CSNK1G1: variants seen among roughly 807,000 people sequenced by gnomAD.
CSNK1G1 encodes the protein casein kinase 1 gamma 1.
A neutral mutation model predicts 59.6 loss-of-function variants in CSNK1G1; 22 were observed. The ratio of observed to expected loss-of-function variants is 0.37; its 90% confidence interval spans 0.26 to 0.53. The LOEUF is 0.53. CSNK1G1 is among the 20% of genes least tolerant of loss of function. The pLI is 0.89. For synonymous variants in CSNK1G1, 179 were observed against 177.1 expected, an observed-to-expected ratio of 1.01 and a Z score of -0.08; for missense variants, 384 against 519.5, an observed-to-expected ratio of 0.74 and a Z score of 2.54.
chr15:64,198,945 C>A (rs189149909), intron 10 of CSNK1G1, among the ~76,000 whole-genome samples: 142 of 151,734 alleles, frequency 9.4e-4, no homozygotes, highest in Non-Finnish European at 1.7e-3. Flanking sequence ...CCACAGGATA[C>A]TAAAAACTCT....
At chr15:64,179,704 C>T (rs2081786212) in intron 11 of CSNK1G1, among the ~76,000 whole-genome samples, 1 of 152,206 alleles carries the variant, frequency 6.6e-6, no homozygotes, top group African/African-American at 2.4e-5. Context: ...AGTTTAAACA[C>T]AGACCATGCA....
intron 3 of CSNK1G1, among the ~76,000 whole-genome samples, chr15:64,256,525 G>C (rs1892380802): frequency 6.6e-6 from 1 of 152,108 alleles, no homozygotes. Flanking sequence ...CAGCCAATTG[G>C]GCTTCAAGGT....
Position 64,214,748 on chromosome 15 carries a change from C to T in CSNK1G1, c.445-624G>A, listed in dbSNP as rs867051919. Among the ~76,000 whole-genome samples the T allele has an allele frequency of 6.6e-6, 1 of 152,056 alleles. No homozygotes were observed. The highest frequency in any genetic ancestry group is 1.5e-5 in the Non-Finnish European group (1 of 68,000). ...CAGCCTCCTGGGTTCTAGCAATTCT[C>T]GTGCCTCAGCCTCCCGGGTAGCTGG... is the stretch of plus-strand genomic sequence containing the variant. On this transcript the variant is annotated intron_variant, in intron 5 of 11. Coordinates refer to ENST00000303052, the MANE Select transcript of CSNK1G1 (RefSeq NM_022048.5). The surrounding 1 kb of genome is among the most constrained non-coding windows in gnomAD (Gnocchi z 4.3).
intron 4 of CSNK1G1, among the ~76,000 whole-genome samples, chr15:64,230,862 T>C (rs1408871390): frequency 6.6e-6 from 1 of 151,962 alleles, no homozygotes; most frequent in Non-Finnish European, 1.5e-5. Context: ...TAGTCCCAAC[T>C]ACTCAGGAGG....
chr15:64,353,646 CAAAAAAAAA>C (rs11301406), intron 1 of CSNK1G1, among the ~76,000 whole-genome samples: 1,670 of 113,382 alleles, frequency 0.015, 42 homozygotes, highest in African/African-American at 0.051. Context: ...GACTCCATTT[CAAAAAAAAA>C]AAAAAAAAAG....
rs189492026 is a variant in CSNK1G1, at chr15:64,250,088, A to C, written c.292+1424T>G. On this transcript the variant is annotated intron_variant, in intron 4 of 11. Transcript: ENST00000303052. ...AAACTTATGAAACCTAGAATAACTTAACAACATTATAAAACCAGGAATGTA... is the reference window on the plus strand; with the variant it reads ...AAACTTATGAAACCTAGAATAACTTCACAACATTATAAAACCAGGAATGTA... Among the ~76,000 whole-genome samples the C allele has an allele frequency of 4.6e-5, 7 of 152,344 alleles. No homozygotes were observed. In the East Asian group the frequency reaches 1.3e-3, roughly 29 times the overall value.
chr15:64,256,315 C>A (rs1892369786), intron 3 of CSNK1G1, among the ~76,000 whole-genome samples: 1 of 152,224 alleles, frequency 6.6e-6, no homozygotes, highest in South Asian at 2.1e-4. Flanking sequence ...TACTCTCAAT[C>A]TTCATGCTGG....
At chr15:64,228,824 TGG>T (rs950252311) in intron 4 of CSNK1G1, among the ~76,000 whole-genome samples, 1 of 151,926 alleles carries the variant, frequency 6.6e-6, no homozygotes, top group African/African-American at 2.4e-5. Flanking sequence ...AACACCAGCC[TGG>T]GCAACATGGT....
chr15:64,273,671 T>C (rs1047131916), intron 2 of CSNK1G1, among the ~76,000 whole-genome samples: 3 of 150,014 alleles, frequency 2.0e-5, no homozygotes, highest in African/African-American at 7.4e-5. Flanking sequence ...TGGGCCACAC[T>C]GGAAGAATTG....
At chr15:64,190,436 T>TA (rs1403242231) in intron 10 of CSNK1G1, among the ~76,000 whole-genome samples, 1 of 152,336 alleles carries the variant, frequency 6.6e-6, no homozygotes, top group Admixed American at 6.5e-5. Context: ...TTGGTTGAGA[T>TA]AGAGTTTCAC....
At chr15:64,172,922 G>A (rs1313213839) in intron 11 of CSNK1G1, among the ~76,000 whole-genome samples, 2 of 152,202 alleles carry the variant, frequency 1.3e-5, no homozygotes, top group Non-Finnish European at 2.9e-5. Flanking sequence ...CAGTCCAGAA[G>A]CAGGTGATGA....
chr15:64,258,565 ATT>A (rs1892520474), intron 3 of CSNK1G1, among the ~76,000 whole-genome samples: 1 of 152,170 alleles, frequency 6.6e-6, no homozygotes, highest in African/African-American at 2.4e-5. Flanking sequence ...CATACGAAAC[ATT>A]TCACATGAAA....
chr15:64,305,253 C>A (rs1295857423), intron 1 of CSNK1G1, among the ~76,000 whole-genome samples: 1 of 152,032 alleles, frequency 6.6e-6, no homozygotes, highest in Non-Finnish European at 1.5e-5. Flanking sequence ...CAGTATCATA[C>A]CCAGAATAAG....
chr15:64,352,441 ATTC>A (rs747569634), intron 1 of CSNK1G1, among the ~76,000 whole-genome samples: 2 of 93,032 alleles, frequency 2.1e-5, no homozygotes, highest in Admixed American at 1.4e-4. Flanking sequence ...CATAATTTGA[ATTC>A]TTCTTTTTTT....
chr15:64,270,820 G>A (rs753473292), intron 2 of CSNK1G1, among the ~76,000 whole-genome samples: 26 of 150,978 alleles, frequency 1.7e-4, no homozygotes, highest in South Asian at 2.1e-4. Flanking sequence ...TTGTATCTTC[G>A]TTCTCATTAA....
intron 2 of CSNK1G1, among the ~76,000 whole-genome samples, chr15:64,274,669 T>C (rs1426718018): frequency 1.3e-5 from 2 of 152,204 alleles, no homozygotes; most frequent in Non-Finnish European, 2.9e-5. Context: ...CAGTCCTGGA[T>C]GTGATGCTGT....
chr15:64,247,022 C>A (rs553527683), intron 4 of CSNK1G1, among the ~76,000 whole-genome samples: 2 of 152,278 alleles, frequency 1.3e-5, no homozygotes, highest in East Asian at 3.9e-4. Flanking sequence ...CATTCTCATA[C>A]TGTCACTCTT....
intron 1 of CSNK1G1, among the ~76,000 whole-genome samples, chr15:64,306,261 A>G (rs961683039): frequency 1.3e-5 from 2 of 152,224 alleles, no homozygotes; most frequent in African/African-American, 2.4e-5. Flanking sequence ...GAGGCCTGTT[A>G]TCTAAAATAT....
chr15:64,291,839 T>C (rs1376267740), intron 2 of CSNK1G1, among the ~76,000 whole-genome samples: 1 of 152,172 alleles, frequency 6.6e-6, no homozygotes, highest in Non-Finnish European at 1.5e-5. Flanking sequence ...CTTTAGATAG[T>C]ATTCATCTGT....
Sources: allele counts gnomAD v4.1 joint callset (sites outside exome capture counted in the v4.1 genomes callset), GRCh38; gene constraint gnomAD v4.1.1; non-coding constraint Gnocchi (gnomAD v3.1); transcripts MANE v1.5; gene names NCBI Gene and HGNC (gene_info 2026-07-23, HGNC 2026-07-21).